Variants in LHFPL3 observed in about 807,000 individuals in gnomAD.
The protein encoded by LHFPL3 is LHFPL tetraspan subfamily member 3.
LHFPL3 carries 5 observed loss-of-function variants against 19.3 expected under a neutral mutation model. The observed-to-expected ratio is 0.26, with a 90% confidence interval of 0.14 to 0.54. The LOEUF is 0.54. Among genes scored for constraint, LHFPL3 ranks in the 20% least tolerant of loss-of-function variants. The probability of loss-of-function intolerance (pLI) is 0.94; values close to 1 mark genes in which losing one functional copy is unlikely to be tolerated. For missense variants in LHFPL3, 249 were observed against 307.4 expected, an observed-to-expected ratio of 0.81 and a Z score of 1.42; for synonymous variants, 133 against 126.2, an observed-to-expected ratio of 1.05 and a Z score of -0.36.
chr7:104,634,409 A>G (rs1791696973), intron 1 of LHFPL3, among the ~76,000 whole-genome samples: 1 of 152,060 alleles, frequency 6.6e-6, no homozygotes, highest in South Asian at 2.1e-4. Context: ...TCTTATTTGT[A>G]TTAGGACCCC....
At chr7:104,586,283 A>G (rs988824801) in intron 1 of LHFPL3, among the ~76,000 whole-genome samples, 12 of 152,108 alleles carry the variant, frequency 7.9e-5, no homozygotes, top group Admixed American at 1.3e-4. Flanking sequence ...GATGGAAATG[A>G]TAGGACATTA....
At chr7:104,438,948 A>G (rs938453589) in intron 1 of LHFPL3, among the ~76,000 whole-genome samples, 3 of 152,234 alleles carry the variant, frequency 2.0e-5, no homozygotes, top group African/African-American at 7.2e-5. Context: ...TAATAAATAA[A>G]TAGTATGAAC....
chr7:104,740,946 A>G (rs1793924796), intron 2 of LHFPL3, among the ~76,000 whole-genome samples: 1 of 152,190 alleles, frequency 6.6e-6, no homozygotes, highest in Admixed American at 6.5e-5. Context: ...TCACTGTTAC[A>G]TGAATTCTAA....
intron 2 of LHFPL3, among the ~76,000 whole-genome samples, chr7:104,819,110 T>C (rs1393743138): frequency 6.6e-6 from 1 of 152,190 alleles, no homozygotes; most frequent in Non-Finnish European, 1.5e-5. Flanking sequence ...TGATTTAATA[T>C]AAGCTTAATT....
intron 1 of LHFPL3, among the ~76,000 whole-genome samples, chr7:104,584,792 C>G (rs1472708952): frequency 6.6e-6 from 1 of 152,018 alleles, no homozygotes; most frequent in Non-Finnish European, 1.5e-5. Flanking sequence ...AGGCAGCAGT[C>G]CTTAAGAGAA....
chr7:104,666,277 T>C (rs1180294555), intron 1 of LHFPL3, among the ~76,000 whole-genome samples: 1 of 151,970 alleles, frequency 6.6e-6, no homozygotes, highest in African/African-American at 2.4e-5. Context: ...TCTATCTAAC[T>C]GTATGTTTAT....
chr7:104,824,453 TATATA>T (rs1790766322), intron 2 of LHFPL3, among the ~76,000 whole-genome samples: 2 of 54,370 alleles, frequency 3.7e-5, no homozygotes, highest in Non-Finnish European at 6.1e-5. Context: ...AATATATAAT[TATATA>T]ATTTTATATA....
intron 1 of LHFPL3, among the ~76,000 whole-genome samples, chr7:104,450,739 A>C (rs1317287166): frequency 6.6e-6 from 1 of 151,982 alleles, no homozygotes; most frequent in Admixed American, 6.6e-5. Flanking sequence ...AAAAACACTG[A>C]AAAAAAACTA....
intron 1 of LHFPL3, among the ~76,000 whole-genome samples, chr7:104,430,427 T>TAC (rs1791963319): frequency 8.3e-5 from 1 of 12,038 alleles, no homozygotes; most frequent in Admixed American, 9.2e-4. Context: ...TACATATATA[T>TAC]ATATATATAT....
intron 2 of LHFPL3, among the ~76,000 whole-genome samples, chr7:104,800,999 G>C (rs557055201): frequency 1.6e-4 from 24 of 152,086 alleles, no homozygotes; most frequent in Non-Finnish European, 2.6e-4. Flanking sequence ...AATGAGGGAG[G>C]TGATCAGGCA....
intron 1 of LHFPL3, among the ~76,000 whole-genome samples, chr7:104,617,356 A>G (rs1377233495): frequency 6.6e-6 from 1 of 152,202 alleles, no homozygotes; most frequent in African/African-American, 2.4e-5. Context: ...AACACAAGAT[A>G]AAGTCTTTCA....
At chr7:104,679,140 C>T (rs1792646711) in intron 1 of LHFPL3, among the ~76,000 whole-genome samples, 1 of 152,192 alleles carries the variant, frequency 6.6e-6, no homozygotes, top group Non-Finnish European at 1.5e-5. Flanking sequence ...AGTCAAGCTG[C>T]TGGCCAGGGC....
chr7:104,395,652 C>T (rs62486531), intron 1 of LHFPL3, among the ~76,000 whole-genome samples: 2,398 of 152,278 alleles, frequency 0.016, 29 homozygotes, highest in Middle Eastern at 0.031. Context: ...TTGCCTGCCA[C>T]TGAGATACTG....
chr7:104,337,388 A>G (rs920937346), intron 1 of LHFPL3, among the ~76,000 whole-genome samples: 3 of 152,170 alleles, frequency 2.0e-5, no homozygotes, highest in African/African-American at 7.2e-5. Flanking sequence ...TTGGCACAGG[A>G]CAAGCAGAGA....
intron 1 of LHFPL3, among the ~76,000 whole-genome samples, chr7:104,673,753 T>A (rs1792531415): frequency 1.3e-5 from 2 of 152,194 alleles, no homozygotes; most frequent in Non-Finnish European, 1.5e-5. Context: ...AGTCAGAGCA[T>A]CCTCAATTAG....
chr7:104,590,079 T>G (rs1790677003), intron 1 of LHFPL3, among the ~76,000 whole-genome samples: 1 of 151,958 alleles, frequency 6.6e-6, no homozygotes, highest in African/African-American at 2.4e-5. Context: ...GATTCATTGA[T>G]TTTTTTGAAG....
intron 1 of LHFPL3, among the ~76,000 whole-genome samples, chr7:104,552,721 A>AT (rs1254208044): frequency 2.6e-5 from 4 of 152,178 alleles, no homozygotes; most frequent in African/African-American, 7.2e-5. Flanking sequence ...ATATATGTAA[A>AT]TTTTATAATG....
intron 1 of LHFPL3, among the ~76,000 whole-genome samples, chr7:104,416,844 G>A (rs995357169): frequency 4.6e-5 from 7 of 152,210 alleles, no homozygotes; most frequent in Admixed American, 3.9e-4. Flanking sequence ...CCAAGATTGA[G>A]TGGATGCATA....
intron 1 of LHFPL3, among the ~76,000 whole-genome samples, chr7:104,615,688 CT>C (rs1791319622): frequency 6.6e-6 from 1 of 152,000 alleles, no homozygotes; most frequent in Admixed American, 6.6e-5. Flanking sequence ...CCCCCACCCC[CT>C]GACAGGCCCC....
Sources: gnomAD v4.1 joint callset for allele counts (sites outside exome capture counted in the v4.1 genomes callset) on GRCh38, gnomAD v4.1.1 for gene constraint, MANE v1.5 for transcripts, NCBI Gene and HGNC (gene_info 2026-07-23, HGNC 2026-07-21) for gene names.